Variants in NYAP2 observed in about 807,000 individuals in gnomAD.
The protein encoded by NYAP2 is neuronal tyrosine-phosphorylated phosphoinositide-3-kinase adapter 2.
In NYAP2, 23 loss-of-function variants were observed where a neutral mutation model predicts 50.4. The observed-to-expected ratio is 0.46, with a 90% CI of 0.33 to 0.65. The LOEUF is 0.65. Ranked by LOEUF, NYAP2 falls within the 30% of genes least tolerant of loss-of-function variation. The pLI is 0.02. For missense variants in NYAP2, 885 were observed against 861.0 expected (o/e 1.03, Z -0.35); for synonymous variants, 394 against 365.2 (o/e 1.08, Z -0.90).
At chr2:225,635,594 G>T (rs893694599) in intron 6 of NYAP2, among the ~76,000 whole-genome samples, 1 of 152,182 alleles carries the variant, frequency 6.6e-6, no homozygotes, top group Non-Finnish European at 1.5e-5. Flanking sequence ...AATATGATAA[G>T]ATATTTCTTT....
the NYAP2 span, chr2:225,701,721 G>T: frequency 1.3e-5 from 2 of 151,610 alleles, no homozygotes; most frequent in African/African-American, 4.8e-5. Context: ...AACGTCCGGA[G>T]ATTTAAATTT....
chr2:225,510,686 T>G (rs1163562881), intron 3 of NYAP2, among the ~76,000 whole-genome samples: 1 of 152,190 alleles, frequency 6.6e-6, no homozygotes, highest in Non-Finnish European at 1.5e-5. Flanking sequence ...TTCTTCATCT[T>G]GTATTTACAG....
intron 3 of NYAP2, among the ~76,000 whole-genome samples, chr2:225,494,663 A>G (rs1690469300): frequency 6.6e-6 from 1 of 152,198 alleles, no homozygotes; most frequent in Non-Finnish European, 1.5e-5. Context: ...TGCCATCTCA[A>G]GGTAAGGTTT....
intron 4 of NYAP2, among the ~76,000 whole-genome samples, chr2:225,515,909 C>T (rs932061599): frequency 2.0e-5 from 3 of 152,070 alleles, no homozygotes; most frequent in African/African-American, 7.2e-5. Flanking sequence ...AAAAGAACCA[C>T]CCAAAGAGAG....
chr2:225,404,337 A>T (rs1294375447), intron 2 of NYAP2, among the ~76,000 whole-genome samples: 3 of 151,998 alleles, frequency 2.0e-5, no homozygotes, highest in Non-Finnish European at 4.4e-5. Context: ...GTTGTTTTTT[A>T]AATGTTTTAA....
chr2:225,671,818 A>T, the NYAP2 span, among the ~76,000 whole-genome samples: 1 of 152,178 alleles, frequency 6.6e-6, no homozygotes, highest in Non-Finnish European at 1.5e-5. Context: ...AGCAGGCATA[A>T]AAACATTAAT....
intron 4 of NYAP2, among the ~76,000 whole-genome samples, chr2:225,529,929 G>A (rs1037921064): frequency 5.3e-5 from 8 of 151,294 alleles, no homozygotes; most frequent in African/African-American, 1.9e-4. Flanking sequence ...GGATGGTCTC[G>A]ATCTTCTGAC....
intron 3 of NYAP2, among the ~76,000 whole-genome samples, chr2:225,420,432 T>G (rs566592988): frequency 6.6e-6 from 1 of 152,224 alleles, no homozygotes; most frequent in East Asian, 1.9e-4. Context: ...TTAAAATTTT[T>G]TTATAGTTTG....
chr2:225,631,866 G>A (rs1398592946), intron 6 of NYAP2, among the ~76,000 whole-genome samples: 2 of 152,168 alleles, frequency 1.3e-5, no homozygotes, highest in Admixed American at 6.6e-5. Context: ...CACCCAGGCT[G>A]GAGTACAATG....
intron 5 of NYAP2, among the ~76,000 whole-genome samples, chr2:225,619,519 A>G (rs2106252549): frequency 6.6e-6 from 1 of 152,312 alleles, no homozygotes; most frequent in East Asian, 1.9e-4. Context: ...TGAATAAGAG[A>G]TTCTGGTAAA....
chr2:225,639,159 G>C (rs1693480504), intron 6 of NYAP2, among the ~76,000 whole-genome samples: 1 of 151,978 alleles, frequency 6.6e-6, no homozygotes, highest in Admixed American at 6.6e-5. Flanking sequence ...CTGGCTTCTG[G>C]GGAGAAAAAA....
chr2:225,644,053 C>T (rs1423329238), intron 6 of NYAP2, among the ~76,000 whole-genome samples: 3 of 148,974 alleles, frequency 2.0e-5, no homozygotes, highest in African/African-American at 7.5e-5. Context: ...AGTTTACAGT[C>T]CCACCAACAG....
chr2:225,499,975 G>T (rs1221638596), intron 3 of NYAP2, among the ~76,000 whole-genome samples: 3 of 152,158 alleles, frequency 2.0e-5, no homozygotes, highest in African/African-American at 7.2e-5. Context: ...GTTTAGGATT[G>T]CTGATGAGAA....
At chr2:225,622,486 T>C (rs1423812619) in intron 5 of NYAP2, among the ~76,000 whole-genome samples, 1 of 144,830 alleles carries the variant, frequency 6.9e-6, no homozygotes, top group Non-Finnish European at 1.5e-5. Flanking sequence ...TTAAGGACAT[T>C]AACCAATTTT....
intron 3 of NYAP2, among the ~76,000 whole-genome samples, chr2:225,420,846 A>G (rs1197689376): frequency 2.0e-5 from 3 of 152,130 alleles, no homozygotes; most frequent in African/African-American, 7.2e-5. Flanking sequence ...CAGCTCTTTT[A>G]CATAGAGAAT....
In NYAP2 at chr2:225,552,808, C is replaced by T. The variant is rs144696328; in HGVS notation, c.524-29133C>T. ...CAGATTCAAGTGATTCTTCCTCAGC[C>T]TCCCGAGTAGCTGGGACTACAGGCA... On this transcript the variant is annotated intron_variant, in intron 4 of 6. Coordinates refer to ENST00000636099, the Ensembl canonical transcript of NYAP2. 3.1e-3 allele frequency among the ~76,000 whole-genome samples: 470 copies of T among 152,312 alleles called. 1 individual carries two copies. Among genetic ancestry groups the T allele is most frequent in the African/African-American group, 0.011 (446 of 41,564 alleles).
At chr2:225,456,487 GAC>G (rs1689741139) in intron 3 of NYAP2, among the ~76,000 whole-genome samples, 1 of 152,184 alleles carries the variant, frequency 6.6e-6, no homozygotes, top group Non-Finnish European at 1.5e-5. Context: ...AACAGTCAAA[GAC>G]AGGTTTATTT....
chr2:225,472,517 T>C (rs1295709506), intron 3 of NYAP2, among the ~76,000 whole-genome samples: 1 of 152,128 alleles, frequency 6.6e-6, no homozygotes, highest in Admixed American at 6.6e-5. Context: ...AAACAGTCCC[T>C]AAAGACATGG....
At chr2:225,628,441 C>A (rs1693251231) in intron 6 of NYAP2, among the ~76,000 whole-genome samples, 1 of 151,258 alleles carries the variant, frequency 6.6e-6, no homozygotes, top group Non-Finnish European at 1.5e-5. Flanking sequence ...CCTGCCTCAG[C>A]CTCCCTAGTA....
Sources: allele counts gnomAD v4.1 joint callset (sites outside exome capture counted in the v4.1 genomes callset), GRCh38; gene constraint gnomAD v4.1.1; transcripts MANE v1.5; gene names NCBI Gene and HGNC (gene_info 2026-07-23, HGNC 2026-07-21).